AHR: variants seen among roughly 807,000 people sequenced by gnomAD.
AHR encodes the protein aryl hydrocarbon receptor, also known as AH-receptor.
A neutral mutation model predicts 86.8 loss-of-function variants in AHR; 40 were observed. The observed-to-expected ratio is 0.46, with a 90% confidence interval of 0.36 to 0.60. AHR has a LOEUF of 0.60. Ranked by LOEUF, AHR falls within the 20% of genes least tolerant of loss-of-function variation. The probability of loss-of-function intolerance (pLI) is 0.00; values close to 1 mark genes in which losing one functional copy is unlikely to be tolerated. For missense variants in AHR, 1,001 were observed against 1,011.6 expected (o/e 0.99, Z 0.14); for synonymous variants, 398 against 354.9 (o/e 1.12, Z -1.37).
intron 10 of AHR, among the ~76,000 whole-genome samples, chr7:17,342,670 C>G (rs144268283): frequency 1.3e-5 from 2 of 152,224 alleles, no homozygotes; most frequent in Non-Finnish European, 2.9e-5. Context: ...ACAGCTGCAT[C>G]ACTCATCTGT....
chr7:17,316,200 A>T (rs1227925403), intron 2 of AHR, among the ~76,000 whole-genome samples: 1 of 152,250 alleles, frequency 6.6e-6, no homozygotes, highest in Non-Finnish European at 1.5e-5. Context: ...ATGAAATGAA[A>T]GTGTAAACTG....
intron 2 of AHR, among the ~76,000 whole-genome samples, chr7:17,315,412 A>G (rs1176420932): frequency 6.6e-6 from 1 of 151,972 alleles, no homozygotes; most frequent in Non-Finnish European, 1.5e-5. Context: ...ATCTAAACTC[A>G]TTGTATCATA....
Position 17,340,150 on chromosome 7 carries a change from G to A in AHR, c.2325G>A (p.Gln775=), listed in dbSNP as rs758913733. 6.2e-7 allele frequency: 1 copy of A among 1,614,188 alleles called. No homozygotes were observed. Among genetic ancestry groups the A allele is most frequent in the African/African-American group, 1.3e-5 (1 of 75,028 alleles). The change falls in exon 10 of 11, where the codon CAG becomes CAA. Residue 775 remains glutamine, a synonymous_variant. Transcript: ENST00000242057. ...GGGCCGTGTCGATGTATCAGTGCCAGCCAGAACCTCAGCACACCCACGTGG... is the reference window on the plus strand; with the variant it reads ...GGGCCGTGTCGATGTATCAGTGCCAACCAGAACCTCAGCACACCCACGTGG... ...YAGAVSMYQC[Q]PEPQHTHVGQ... is the part of the protein sequence containing the mutation.
chr7:17,343,670 T>C lies in AHR; in HGVS notation c.*606T>C, dbSNP rs1025003811. On this transcript the variant is annotated 3_prime_UTR_variant, in exon 11 of 11. Transcript: ENST00000242057. ...TGTATATTTTATATAAAGTATTCTT[T>C]TTCTTTTTTAAATTAATATCTTTCT... 4 of 152,576 alleles carry C rather than the reference T, an allele frequency of 2.6e-5. No homozygotes were observed. The highest frequency in any genetic ancestry group is 9.7e-5 in the African/African-American group (4 of 41,442). The allele number at this position is 152,576 out of a possible 1,614,324, so 9.5% of individuals were successfully genotyped here. A position where few individuals can be genotyped will look rare whatever the true frequency, so the allele number is the denominator to read the frequency against.
chr7:17,332,537 T>C (rs956138694), intron 6 of AHR, among the ~76,000 whole-genome samples: 1 of 151,776 alleles, frequency 6.6e-6, no homozygotes, highest in Non-Finnish European at 1.5e-5. Flanking sequence ...GTTTGTGTCT[T>C]AGTTTTTAAC....
chr7:17,313,352 G>A (rs1270927683), intron 2 of AHR, among the ~76,000 whole-genome samples: 2 of 152,130 alleles, frequency 1.3e-5, no homozygotes, highest in African/African-American at 2.4e-5. Context: ...ATAGCGAAGC[G>A]AAGGGAAGCT....
At chr7:17,307,200 T>C (rs986668617) in intron 1 of AHR, among the ~76,000 whole-genome samples, 8 of 152,108 alleles carry the variant, frequency 5.3e-5, no homozygotes, top group African/African-American at 2.4e-5. Flanking sequence ...CCCTGTGTCA[T>C]AGCATGTTGC....
intron 8 of AHR, 120 bp from the exon 9 acceptor site, chr7:17,335,525 A>G (rs778469841): frequency 5.7e-5 from 45 of 792,860 alleles, no homozygotes; most frequent in Non-Finnish European, 8.2e-5. Context: ...TTTAAAATTT[A>G]TTGTCTTTGG....
chr7:17,302,756 A>T (rs1480777307), intron 1 of AHR, among the ~76,000 whole-genome samples: 2 of 151,794 alleles, frequency 1.3e-5, no homozygotes, highest in Admixed American at 6.6e-5. Flanking sequence ...CCAATAAAGC[A>T]CGACAGTCAG....
intron 1 of AHR, among the ~76,000 whole-genome samples, chr7:17,304,458 A>G (rs1781985694): frequency 6.6e-6 from 1 of 152,062 alleles, no homozygotes; most frequent in East Asian, 1.9e-4. Flanking sequence ...ATCTGGGTTT[A>G]GCTGTCACTT....
At position 17,299,575 on chromosome 7, in the gene AHR, AC is replaced by A. The variant is rs761541496; in HGVS notation, c.65+249del. Among the ~76,000 whole-genome samples, 13 of 152,256 alleles carry A rather than the reference AC, an allele frequency of 8.5e-5. No individual in the cohort carries two copies. The South Asian group carries it at 2.1e-3, about 24-fold the overall frequency. ...TCTTCCCCCGCACCAGTGCATACACACCCTCTCACATTTGCAACTTTGTTCT... is the reference window on the plus strand; with the variant it reads ...TCTTCCCCCGCACCAGTGCATACACACCTCTCACATTTGCAACTTTGTTCT... On this transcript the variant is annotated intron_variant, in intron 1 of 10. Coordinates refer to ENST00000242057, the MANE Select transcript of AHR (RefSeq NM_001621.5).
At chr7:17,324,676 C>A (rs1782209744) in intron 3 of AHR, among the ~76,000 whole-genome samples, 1 of 151,868 alleles carries the variant, frequency 6.6e-6, no homozygotes, top group African/African-American at 2.4e-5. Flanking sequence ...GTGGCGGGTG[C>A]CTGTAATCCT....
chr7:17,325,066 A>G (rs916001380), intron 3 of AHR, among the ~76,000 whole-genome samples: 1 of 152,214 alleles, frequency 6.6e-6, no homozygotes. Flanking sequence ...GAGCTTAACA[A>G]AATTTTCAGA....
intron 1 of AHR, among the ~76,000 whole-genome samples, chr7:17,307,266 G>C (rs1482461067): frequency 6.6e-6 from 1 of 152,046 alleles, no homozygotes; most frequent in Admixed American, 6.6e-5. Flanking sequence ...ATCATTACTG[G>C]AAAGCCACCA....
Position 17,335,689 on chromosome 7 carries a change from A to C in AHR, c.1063A>C (p.Thr355Pro). 1 of 1,601,972 alleles carries C rather than the reference A, an allele frequency of 6.2e-7. No homozygotes were observed. The highest frequency in any genetic ancestry group is 8.5e-7 in the Non-Finnish European group (1 of 1,172,816). Reference protein sequence around the residue: ...ESGMIVFRLLTKNNRWTWVQS... With the variant: ...ESGMIVFRLLPKNNRWTWVQS... ...TGGCATGATAGTTTTCCGGCTTCTT[A>C]CAAAAAACAACCGATGGACTTGGGT... Residue 355 changes from threonine (T) to proline (P), a missense_variant, in exon 9 of 11, where the codon ACA becomes CCA. This residue lies in a region of AHR where 394 missense variants were observed against 468.5 expected (regional missense o/e 0.84). Transcript: ENST00000242057.
chr7:17,341,826 T>A (rs916940761), intron 10 of AHR, among the ~76,000 whole-genome samples: 8 of 152,192 alleles, frequency 5.3e-5, no homozygotes, highest in African/African-American at 1.9e-4. Flanking sequence ...AAAATTTAAG[T>A]TCTGTATGTG....
intron 2 of AHR, among the ~76,000 whole-genome samples, chr7:17,310,761 C>G (rs1281526421): frequency 1.3e-5 from 2 of 152,106 alleles, no homozygotes; most frequent in African/African-American, 2.4e-5. Flanking sequence ...CTCTCAAACT[C>G]CTGACCTCAG....
intron 9 of AHR, among the ~76,000 whole-genome samples, chr7:17,337,822 A>G (rs1782371005): frequency 6.6e-6 from 1 of 152,042 alleles, no homozygotes; most frequent in South Asian, 2.1e-4. Flanking sequence ...TTACATTTGT[A>G]TCATTTACCT....
chr7:17,305,046 T>C lies in AHR; in HGVS notation c.66-4890T>C, dbSNP rs1184681575. On this transcript the variant is annotated intron_variant, in intron 1 of 10. Transcript: ENST00000242057. The stretch of plus-strand genomic sequence containing the variant: ...ATGTCTTGTGCTAGAAACTATGCTG[T>C]TTATATCTCATCATCTCTCCTCAGG... Among the ~76,000 whole-genome samples the C allele has an allele frequency of 1.0e-3, 156 of 152,230 alleles. 2 individuals carry two copies. The highest frequency in any genetic ancestry group is 8.8e-5 in the Non-Finnish European group (6 of 68,008).
Sources: gnomAD v4.1 joint callset for allele counts (sites outside exome capture counted in the v4.1 genomes callset) on GRCh38, gnomAD v4.1.1 for gene constraint, gnomAD v4.1.1 regional missense constraint, MANE v1.5 for transcripts, NCBI Gene and HGNC (gene_info 2026-07-23, HGNC 2026-07-21) for gene names.